The following HMGCS2 variants were observed in gnomAD, a reference collection of about 807,000 sequenced individuals.
The protein encoded by HMGCS2 is 3-hydroxy-3-methylglutaryl-CoA synthase 2, also known as hydroxymethylglutaryl-CoA synthase, mitochondrial.
HMGCS2 carries 50 observed loss-of-function variants against 57.4 expected under a neutral mutation model. The observed-to-expected ratio is 0.87, with a 90% CI of 0.69 to 1.10. The LOEUF (loss-of-function observed/expected upper bound fraction) is 1.10, where lower values mean the gene tolerates loss of function less well. HMGCS2 is among the 50% of genes least tolerant of loss of function. The pLI is 0.00. For synonymous variants in HMGCS2, 254 were observed against 245.1 expected, an observed-to-expected ratio of 1.04 and a Z score of -0.34; for missense variants, 627 against 636.5, an observed-to-expected ratio of 0.99 and a Z score of 0.16.
intron 2 of HMGCS2, among the ~76,000 whole-genome samples, chr1:119,761,072 C>T (rs1653020964): frequency 1.3e-5 from 2 of 149,648 alleles, no homozygotes; most frequent in Non-Finnish European, 3.0e-5. Context: ...ATGCTATGTG[C>T]ATGTGTGTGT....
chr1:119,761,488 G>A (rs997162658), intron 2 of HMGCS2, among the ~76,000 whole-genome samples: 27 of 152,006 alleles, frequency 1.8e-4, no homozygotes, highest in Admixed American at 1.6e-3. Flanking sequence ...AAGCTAGGCC[G>A]GGCACGGTGG....
chr1:119,762,733 CT>C (rs1653089767), intron 2 of HMGCS2, among the ~76,000 whole-genome samples: 1 of 152,194 alleles, frequency 6.6e-6, no homozygotes. Context: ...TAAATACAAA[CT>C]AAAGATTCAC....
intron 4 of HMGCS2, among the ~76,000 whole-genome samples, chr1:119,758,307 G>A (rs943405750): frequency 2.0e-5 from 3 of 152,196 alleles, no homozygotes; most frequent in Non-Finnish European, 4.4e-5. Context: ...CTTGATCATA[G>A]CTTACTGCAT....
In HMGCS2 at chr1:119,764,633, T is replaced by TG. The variant is rs769502150; in HGVS notation, c.105-8dup. Reference sequence around the variant, plus strand: ...AGCAGAGGCTGTAGAAAACCTGTGATGGAGATAACAGTCAAACTCCCACTA... The same window carrying TG: ...AGCAGAGGCTGTAGAAAACCTGTGATGGGAGATAACAGTCAAACTCCCACTA... On this transcript the variant is annotated splice_region_variant and splice_polypyrimidine_tract_variant and intron_variant, in intron 1 of 9. Transcript: ENST00000369406. The TG allele has an allele frequency of 1.2e-6, 2 of 1,607,666 alleles. No homozygotes were observed. Among genetic ancestry groups the TG allele is most frequent in the African/African-American group, 2.7e-5 (2 of 74,828 alleles).
chr1:119,767,742 G>T (rs945483254), intron 1 of HMGCS2, among the ~76,000 whole-genome samples: 1 of 152,192 alleles, frequency 6.6e-6, no homozygotes, highest in Admixed American at 6.5e-5. Flanking sequence ...ATTGATGTAT[G>T]TCTTTTGGCT....
chr1:119,757,123 C>A, intron 5 of HMGCS2, 150 bp downstream of exon 5: 5 of 1,267,520 alleles, frequency 3.9e-6, no homozygotes, highest in Non-Finnish European at 5.6e-6. Flanking sequence ...ACCCACTACC[C>A]CGTGGAAGGA....
intron 3 of HMGCS2, 54 bp downstream of exon 3, chr1:119,759,810 T>A: frequency 2.5e-6 from 4 of 1,607,762 alleles, no homozygotes; most frequent in Non-Finnish European, 3.4e-6. Context: ...GGGATTAGGA[T>A]CTATGTTCTT....
At chr1:119,751,176 G>A (rs760360044) in intron 8 of HMGCS2, among the ~76,000 whole-genome samples, 5 of 152,104 alleles carry the variant, frequency 3.3e-5, no homozygotes, top group Admixed American at 6.5e-5. Context: ...AGTAAACATA[G>A]CCTTCCTCCA....
intron 4 of HMGCS2, among the ~76,000 whole-genome samples, 183 bp from the exon 5 acceptor site, chr1:119,757,621 T>C (rs1273222823): frequency 1.3e-5 from 2 of 152,184 alleles, no homozygotes; most frequent in Non-Finnish European, 2.9e-5. Flanking sequence ...TCTCTACGAA[T>C]AAGGAAAGAA....
intron 4 of HMGCS2, among the ~76,000 whole-genome samples, chr1:119,758,182 G>T (rs1652914502): frequency 6.6e-6 from 1 of 152,246 alleles, no homozygotes; most frequent in Admixed American, 6.5e-5. Flanking sequence ...GCCTGAGCAG[G>T]CAAGAATACT....
chr1:119,755,522 G>C lies in HMGCS2; in HGVS notation c.1092C>G (p.Phe364Leu), dbSNP rs752639075. 6 of 1,614,032 alleles carry C rather than the reference G, an allele frequency of 3.7e-6. No individual in the cohort carries two copies. In the East Asian group the frequency reaches 1.3e-4, roughly 36 times the overall value. Residue 364 changes from phenylalanine to leucine, a missense_variant, in exon 6 of 10, where the codon TTC becomes TTG. Physicochemically the swap from Phe to Leu is conservative, Grantham distance 22. Coordinates refer to ENST00000369406, the MANE Select transcript of HMGCS2 (RefSeq NM_005518.4). ...AAAGGGAAGCCTTGGTTTTCTTGTC[G>C]AACATGTCCTGAGAGGCCTTTAGAA... Reference protein sequence around the residue: ...KALLKASQDMFDKKTKASLYL... With the variant: ...KALLKASQDMLDKKTKASLYL...
At chr1:119,759,459 C>T (rs1652962380) in intron 3 of HMGCS2, 177 bp from the exon 4 acceptor site, 2 of 682,966 alleles carry the variant, frequency 2.9e-6, no homozygotes, top group Non-Finnish European at 5.1e-6. Flanking sequence ...GTTGGTATTA[C>T]AAAAATGAGA....
intron 8 of HMGCS2, among the ~76,000 whole-genome samples, chr1:119,751,468 G>A (rs1210616333): frequency 6.6e-6 from 1 of 151,442 alleles, no homozygotes; most frequent in Non-Finnish European, 1.5e-5. Context: ...CTGGGTTCAA[G>A]TAATTCTCCT....
chr1:119,760,908 C>T (rs966742505), intron 2 of HMGCS2, among the ~76,000 whole-genome samples: 4 of 151,948 alleles, frequency 2.6e-5, no homozygotes, highest in African/African-American at 4.8e-5. Flanking sequence ...AGAATTTAAG[C>T]CACTTGCCCA....
chr1:119,751,086 C>A (rs1652643183), intron 8 of HMGCS2, among the ~76,000 whole-genome samples, 178 bp from the exon 9 acceptor site: 1 of 152,166 alleles, frequency 6.6e-6, no homozygotes, highest in South Asian at 2.1e-4. Context: ...ACAAGAGGGG[C>A]AGCCATCTTG....
At position 119,759,949 on chromosome 1, in the gene HMGCS2, A is replaced by G. The variant is rs1182648503; in HGVS notation, c.600T>C (p.Tyr200=). The change falls in exon 3 of 10, where the codon TAT becomes TAC. Residue 200 remains tyrosine, a synonymous_variant. Coordinates refer to ENST00000369406, the MANE Select transcript of HMGCS2 (RefSeq NM_005518.4). The part of the protein sequence containing the change: ...AMVVCGDIAV[Y]PSGNARPTGG... ...CTGTGGGACGAGCATTACCACTGGG[A>G]TAGACGGCAATGTCTCCACAGACCA... 6.2e-7 allele frequency: 1 copy of G among 1,614,120 alleles called. No homozygotes were observed.
intron 5 of HMGCS2, 150 bp from the exon 6 acceptor site, chr1:119,755,747 C>G (rs1227238822): frequency 2.6e-6 from 2 of 774,886 alleles, no homozygotes; most frequent in African/African-American, 1.7e-5. Context: ...GGAGAACATA[C>G]CACTAATGGC....
chr1:119,765,864 C>A (rs1324717170), intron 1 of HMGCS2, among the ~76,000 whole-genome samples: 1 of 152,180 alleles, frequency 6.6e-6, no homozygotes, highest in Non-Finnish European at 1.5e-5. Flanking sequence ...ATTGAGCACA[C>A]CCAACACAGT....
chr1:119,757,788 T>G (rs1390186092), intron 4 of HMGCS2, among the ~76,000 whole-genome samples: 3 of 152,354 alleles, frequency 2.0e-5, no homozygotes, highest in African/African-American at 7.2e-5. Flanking sequence ...GGCTTTGGAT[T>G]CAGGTTCAGA....
Sources: allele counts gnomAD v4.1 joint callset (sites outside exome capture counted in the v4.1 genomes callset), GRCh38; gene constraint gnomAD v4.1.1; transcripts MANE v1.5; gene names NCBI Gene and HGNC (gene_info 2026-07-23, HGNC 2026-07-21).